Variants in ZFP90 observed in about 807,000 individuals in gnomAD.
ZFP90 encodes the protein zinc finger protein 90 homolog.
Under a neutral mutation model 60.8 loss-of-function variants are expected in ZFP90, and 38 were observed. The observed-to-expected ratio is 0.62, with a 90% confidence interval of 0.48 to 0.82. The LOEUF is 0.82. ZFP90 is among the 40% of genes least tolerant of loss of function. The pLI is 0.00. For synonymous variants in ZFP90, 287 were observed against 264.8 expected, an observed-to-expected ratio of 1.08 and a Z score of -0.82; for missense variants, 711 against 759.1, an observed-to-expected ratio of 0.94 and a Z score of 0.74.
In ZFP90 at chr16:68,565,973, A is replaced by C. The variant is rs908974487; in HGVS notation, c.*1275A>C. 3 of 799,558 alleles carry C rather than the reference A, an allele frequency of 3.8e-6. No individual in the cohort carries two copies. In the African/African-American group the frequency reaches 5.6e-5, roughly 15 times the overall value. 49.5% of individuals were successfully genotyped at this position (799,558 alleles called of 1,614,324 possible). ...AACCCCATCTCTTTAAAAAAAAAAA[A>C]AAATCCAAAAATTAGCTGGGCATGG... On this transcript the variant is annotated 3_prime_UTR_variant, in exon 5 of 5. Transcript: ENST00000563169.
intron 2 of ZFP90, among the ~76,000 whole-genome samples, chr16:68,543,179 G>A (rs765145586): frequency 6.6e-6 from 1 of 150,992 alleles, no homozygotes; most frequent in Non-Finnish European, 1.5e-5. Flanking sequence ...AGAGGGAACA[G>A]CCTAGCGGCA....
At chr16:68,568,458 G>A (rs2152077738), downstream of ZFP90, among the ~76,000 whole-genome samples, 1 of 152,250 alleles carries the variant, frequency 6.6e-6, no homozygotes, top group Admixed American at 6.5e-5. Context: ...AGGGTAACTT[G>A]GTATAATTAT....
At chr16:68,559,137 C>CT (rs1355250435) in intron 4 of ZFP90, among the ~76,000 whole-genome samples, 1 of 152,132 alleles carries the variant, frequency 6.6e-6, no homozygotes, top group African/African-American at 2.4e-5. Flanking sequence ...TCTTGCTTTT[C>CT]TGCCTAAGTG....
At chr16:68,571,107 A>G (rs1597759938), downstream of ZFP90, among the ~76,000 whole-genome samples, 1 of 152,126 alleles carries the variant, frequency 6.6e-6, no homozygotes, top group African/African-American at 2.4e-5. Context: ...ATCTTGGGGG[A>G]AAGTATACAT....
intron 2 of ZFP90, among the ~76,000 whole-genome samples, chr16:68,546,011 C>T (rs1169701650): frequency 6.6e-6 from 1 of 151,764 alleles, no homozygotes; most frequent in Non-Finnish European, 1.5e-5. Flanking sequence ...CCCATCTCTA[C>T]TAAAAATACA....
At chr16:68,537,345 C>T (rs764496515), upstream of ZFP90, among the ~76,000 whole-genome samples, 25 of 151,922 alleles carry the variant, frequency 1.6e-4, no homozygotes, top group Non-Finnish European at 3.5e-4. Context: ...AGGCTGGTCT[C>T]GAACTCCTGA....
At chr16:68,557,401 G>A (rs1489496693) in intron 2 of ZFP90, 4 of 391,152 alleles carry the variant, frequency 1.0e-5, no homozygotes, top group Non-Finnish European at 2.1e-5. Flanking sequence ...GTACTATGAA[G>A]CAGTTCAATA....
intron 1 of ZFP90, among the ~76,000 whole-genome samples, chr16:68,533,479 C>G (rs1474705094): frequency 6.6e-6 from 1 of 152,132 alleles, no homozygotes; most frequent in Non-Finnish European, 1.5e-5. Context: ...TTACCACTTT[C>G]TTTGTTCACT....
chr16:68,535,616 T>C (rs1486960997), upstream of ZFP90: 1 of 152,158 alleles, frequency 6.6e-6, no homozygotes, highest in Non-Finnish European at 1.5e-5. Context: ...ACTTGAGCTA[T>C]ACTAGGCATT....
chr16:68,550,733 A>G (rs1051883455), intron 2 of ZFP90, among the ~76,000 whole-genome samples: 6 of 152,230 alleles, frequency 3.9e-5, no homozygotes, highest in African/African-American at 1.2e-4. Context: ...AGTGGCTGCC[A>G]TATTAGACTG....
intron 2 of ZFP90, 45 bp downstream of exon 2, chr16:68,539,870 C>G (rs2152052343): frequency 6.3e-7 from 1 of 1,595,352 alleles, no homozygotes; most frequent in East Asian, 2.3e-5. Context: ...ATCCATCTAT[C>G]CATCCCATCT....
chr16:68,565,774 C>CA lies in ZFP90; in HGVS notation c.*1077dup. ...ATTGCCATAAATTTTGCCTTGTACT[C>CA]AGAGAAGCAACATGCACTGGCTCAT... On this transcript the variant is annotated 3_prime_UTR_variant, in exon 5 of 5. Coordinates refer to ENST00000563169, the MANE Select transcript of ZFP90 (RefSeq NM_001305203.2). 2.0e-6 allele frequency: 2 copies of CA among 985,400 alleles called. No homozygotes were observed. The highest frequency in any genetic ancestry group is 2.4e-6 in the Non-Finnish European group (2 of 829,904). The allele number at this position is 985,400 out of a possible 1,614,324, so 61.0% of individuals were successfully genotyped here. A position where few individuals can be genotyped will look rare whatever the true frequency, so the allele number is the denominator to read the frequency against.
In ZFP90 at chr16:68,564,729, C is replaced by G. The variant is rs1299638065; in HGVS notation, c.*31C>G. The G allele has an allele frequency of 6.4e-7, 1 of 1,565,410 alleles. No individual in the cohort carries two copies. The highest frequency in any genetic ancestry group is 1.4e-5 in the African/African-American group (1 of 72,606). ...GTGAAATTAAGGAATTTGCAGAATG[C>G]TTTAGCTAAAATGTTCTGATTCAGG... On this transcript the variant is annotated 3_prime_UTR_variant, in exon 5 of 5. Coordinates refer to ENST00000563169, the MANE Select transcript of ZFP90 (RefSeq NM_001305203.2).
At chr16:68,559,536 A>G (rs1435640660) in intron 4 of ZFP90, among the ~76,000 whole-genome samples, 1 of 151,038 alleles carries the variant, frequency 6.6e-6, no homozygotes, top group African/African-American at 2.4e-5. Context: ...TACTGGTGGC[A>G]CTGTAAACCA....
downstream of ZFP90, among the ~76,000 whole-genome samples, chr16:68,570,931 A>C (rs544706232): frequency 6.6e-6 from 1 of 152,186 alleles, no homozygotes; most frequent in Non-Finnish European, 1.5e-5. Context: ...CATGTATGCA[A>C]AGCAACCCTC....
In ZFP90 at chr16:68,565,756, T is replaced by C. The variant is rs1254230096; in HGVS notation, c.*1058T>C. On this transcript the variant is annotated 3_prime_UTR_variant, in exon 5 of 5. Transcript: ENST00000563169. ...AGTTAAGTCTAATTGCCCATTGCCA[T>C]AAATTTTGCCTTGTACTCAGAGAAG... The C allele has an allele frequency of 1.0e-6, 1 of 985,396 alleles. No individual in the cohort carries two copies. Among genetic ancestry groups the C allele is most frequent in the East Asian group, 1.1e-4 (1 of 8,964 alleles). 61.0% of individuals were successfully genotyped at this position (985,396 alleles called of 1,614,324 possible). A position where few individuals can be genotyped will look rare whatever the true frequency, so the allele number is the denominator to read the frequency against.
chr16:68,557,182 T>G, intron 2 of ZFP90: 1 of 453,582 alleles, frequency 2.2e-6, no homozygotes, highest in Non-Finnish European at 4.4e-6. Context: ...GAGATGGGGT[T>G]TTGCTCTATT....
chr16:68,556,304 A>G (rs879526210), intron 2 of ZFP90, among the ~76,000 whole-genome samples: 1 of 65,300 alleles, frequency 1.5e-5, no homozygotes, highest in Non-Finnish European at 3.4e-5. Context: ...GGCATGGGGC[A>G]CCTCAGCCAG....
chr16:68,540,800 C>T (rs1326048240), intron 2 of ZFP90, among the ~76,000 whole-genome samples: 4 of 92,940 alleles, frequency 4.3e-5, no homozygotes, highest in African/African-American at 9.6e-5. Flanking sequence ...AGTGAGACTC[C>T]GTCTCTGCAA....
Sources: allele counts gnomAD v4.1 joint callset (sites outside exome capture counted in the v4.1 genomes callset), GRCh38; gene constraint gnomAD v4.1.1; transcripts MANE v1.5; gene names NCBI Gene and HGNC (gene_info 2026-07-23, HGNC 2026-07-21).